TNIK: variants seen among roughly 807,000 people sequenced by gnomAD.
TNIK encodes the protein TRAF2 and NCK interacting kinase, also known as TRAF2 and NCK-interacting protein kinase.
A neutral mutation model predicts 191.3 loss-of-function variants in TNIK; 49 were observed. That is an observed-to-expected ratio of 0.26 (90% CI 0.20 to 0.32). The LOEUF is 0.32. TNIK is among the 10% of genes least tolerant of loss of function. The pLI is 1.00. For missense variants in TNIK, 1,155 were observed against 1,702.3 expected (o/e 0.68, Z 5.66); for synonymous variants, 594 against 600.9 (o/e 0.99, Z 0.17).
intron 1 of TNIK, among the ~76,000 whole-genome samples, chr3:171,378,531 A>C (rs1290427056): frequency 1.3e-5 from 2 of 152,248 alleles, no homozygotes; most frequent in Admixed American, 6.5e-5. Flanking sequence ...AAGAAAGAAT[A>C]ATTTCTTTAC....
chr3:171,356,479 G>GTC (rs1195066349), intron 2 of TNIK, among the ~76,000 whole-genome samples: 1 of 152,152 alleles, frequency 6.6e-6, no homozygotes, highest in Non-Finnish European at 1.5e-5. Context: ...TCACCTTTTA[G>GTC]TATTTTTGCT....
chr3:171,152,360 T>C (rs1162555099), intron 12 of TNIK, among the ~76,000 whole-genome samples: 1 of 151,950 alleles, frequency 6.6e-6, no homozygotes, highest in African/African-American at 2.4e-5. Context: ...AGCAAATGGA[T>C]GAGCATGGAA....
At chr3:171,264,310 C>A (rs1406700348) in intron 2 of TNIK, among the ~76,000 whole-genome samples, 1 of 149,880 alleles carries the variant, frequency 6.7e-6, no homozygotes, top group South Asian at 2.1e-4. Context: ...ATAGACATTG[C>A]GTACCAAATT....
intron 2 of TNIK, among the ~76,000 whole-genome samples, chr3:171,279,710 G>C (rs1213489236): frequency 6.6e-6 from 1 of 152,038 alleles, no homozygotes; most frequent in Non-Finnish European, 1.5e-5. Flanking sequence ...GATGACAAAT[G>C]CCTTTGTTCT....
At chr3:171,110,593 C>T (rs1217914343) in intron 19 of TNIK, 121 bp downstream of exon 19, 5 of 1,323,324 alleles carry the variant, frequency 3.8e-6, no homozygotes, top group South Asian at 1.6e-5. Flanking sequence ...TTGACAGGCT[C>T]TTCAGGATCA....
intron 2 of TNIK, among the ~76,000 whole-genome samples, chr3:171,228,782 GTGGGC>G (rs1431446739): frequency 6.6e-6 from 1 of 152,146 alleles, no homozygotes; most frequent in Non-Finnish European, 1.5e-5. Context: ...CTTCCCCAAG[GTGGGC>G]TCTTTTGGTC....
chr3:171,163,261 C>T (rs924083596), intron 10 of TNIK, among the ~76,000 whole-genome samples: 2 of 152,138 alleles, frequency 1.3e-5, no homozygotes, highest in Non-Finnish European at 2.9e-5. Context: ...CTTGGAGGAG[C>T]TTTTAAGCAA....
chr3:171,447,716 C>T (rs79549555), intron 1 of TNIK, among the ~76,000 whole-genome samples: 5,291 of 152,306 alleles, frequency 0.035, 323 homozygotes, highest in African/African-American at 0.12. Flanking sequence ...ATCATTCATA[C>T]ACTTTCATTC....
At chr3:171,181,493 C>T (rs1446147708) in intron 7 of TNIK, among the ~76,000 whole-genome samples, 1 of 152,218 alleles carries the variant, frequency 6.6e-6, no homozygotes, top group African/African-American at 2.4e-5. Context: ...AGCAAAGCCA[C>T]ACTTGCCTAT....
At chr3:171,106,313 G>A (rs766404252) in intron 21 of TNIK, among the ~76,000 whole-genome samples, 1 of 152,106 alleles carries the variant, frequency 6.6e-6, no homozygotes, top group African/African-American at 2.4e-5. Context: ...CTCATTTTAT[G>A]GATGAGGAAA....
chr3:171,152,196 G>A (rs1732524144), intron 12 of TNIK, among the ~76,000 whole-genome samples: 1 of 152,034 alleles, frequency 6.6e-6, no homozygotes. Flanking sequence ...CATAAGGATT[G>A]CTTGAATCTG....
At position 171,063,863 on chromosome 3, in the gene TNIK, G is replaced by C; in HGVS notation, c.*18C>G. 2 of 1,611,160 alleles carry C rather than the reference G, an allele frequency of 1.2e-6. No homozygotes were observed. The highest frequency in any genetic ancestry group is 1.7e-6 in the Non-Finnish European group (2 of 1,178,356). ...ATTAGAAATAACGCCATGAAGATAA[G>C]TGCCAAGTGCTCTTCTGTTACCAGT... On this transcript the variant is annotated 3_prime_UTR_variant, in exon 33 of 33. Coordinates refer to ENST00000436636, the MANE Select transcript of TNIK (RefSeq NM_015028.4).
chr3:171,073,446 C>T (rs922899269), intron 28 of TNIK, among the ~76,000 whole-genome samples: 8 of 152,148 alleles, frequency 5.3e-5, no homozygotes, highest in African/African-American at 9.7e-5. Flanking sequence ...AAAAACTCTT[C>T]TGGATATTGG....
intron 15 of TNIK, among the ~76,000 whole-genome samples, chr3:171,136,563 C>G (rs1263660862): frequency 6.6e-6 from 1 of 152,142 alleles, no homozygotes; most frequent in East Asian, 1.9e-4. Flanking sequence ...CATCTTTCTC[C>G]CATGGGTGAT....
intron 3 of TNIK, among the ~76,000 whole-genome samples, chr3:171,218,993 T>C (rs1427944483): frequency 1.1e-4 from 13 of 120,252 alleles, no homozygotes; most frequent in African/African-American, 3.5e-4. Context: ...ATTAAATTAT[T>C]ACATATTAAT....
At chr3:171,240,046 T>C (rs57824131) in intron 2 of TNIK, among the ~76,000 whole-genome samples, 6,220 of 152,158 alleles carry the variant, frequency 0.041, 136 homozygotes, top group South Asian at 0.084. Flanking sequence ...AGTAAATGCA[T>C]TGATTTATAG....
rs117653691 is a variant in TNIK at position 171,232,425 on chromosome 3, A to T, written c.124-4204T>A. ...CTTCTAAAAGGAGATAAAAGAGTTT[A>T]AAAAAATTCTCCATGAAAATTAGAG... On this transcript the variant is annotated intron_variant, in intron 2 of 32. Coordinates refer to ENST00000436636, the MANE Select transcript of TNIK (RefSeq NM_015028.4). Among the ~76,000 whole-genome samples, 49 of 152,266 alleles carry T rather than the reference A, an allele frequency of 3.2e-4. No individual in the cohort carries two copies. The East Asian group carries it at 3.3e-3, about 10-fold the overall frequency.
intron 1 of TNIK, among the ~76,000 whole-genome samples, chr3:171,392,552 G>T (rs1180310540): frequency 6.6e-6 from 1 of 152,070 alleles, no homozygotes; most frequent in Admixed American, 6.5e-5. Context: ...GGCCAAAGTG[G>T]GTGGATCACT....
intron 2 of TNIK, among the ~76,000 whole-genome samples, chr3:171,318,868 T>C (rs754016213): frequency 2.0e-5 from 3 of 152,076 alleles, no homozygotes; most frequent in Non-Finnish European, 4.4e-5. Flanking sequence ...AGACTTAGTA[T>C]TAAAAATTAC....
Sources: gnomAD v4.1 joint callset for allele counts (sites outside exome capture counted in the v4.1 genomes callset) on GRCh38, gnomAD v4.1.1 for gene constraint, MANE v1.5 for transcripts, NCBI Gene and HGNC (gene_info 2026-07-23, HGNC 2026-07-21) for gene names.